Variants in TBC1D5 observed in about 807,000 individuals in gnomAD.
The protein encoded by TBC1D5 is TBC1 domain family, member 5.
In TBC1D5, 75 loss-of-function variants were observed where a neutral mutation model predicts 100.3. That is an observed-to-expected ratio of 0.75 (90% CI 0.62 to 0.91). The LOEUF is 0.91. Ranked by LOEUF, TBC1D5 falls within the 40% of genes least tolerant of loss-of-function variation. TBC1D5 has a pLI of 0.00. For missense variants in TBC1D5, 910 were observed against 942.4 expected, an observed-to-expected ratio of 0.97 and a Z score of 0.45; for synonymous variants, 323 against 325.6, an observed-to-expected ratio of 0.99 and a Z score of 0.09.
intron 15 of TBC1D5, among the ~76,000 whole-genome samples, chr3:17,270,378 G>A (rs1015337167): frequency 6.6e-6 from 1 of 151,890 alleles, no homozygotes; most frequent in African/African-American, 2.4e-5. Flanking sequence ...ATACATTTTG[G>A]ATATCAAATC....
At chr3:17,516,123 G>T (rs1422440328) in intron 2 of TBC1D5, among the ~76,000 whole-genome samples, 1 of 152,096 alleles carries the variant, frequency 6.6e-6, no homozygotes, top group Non-Finnish European at 1.5e-5. Context: ...CTCCTGAGGA[G>T]GCCTTTCCTC....
intron 1 of TBC1D5, among the ~76,000 whole-genome samples, chr3:17,661,893 CT>C (rs1409203742): frequency 6.6e-6 from 1 of 151,778 alleles, no homozygotes; most frequent in Non-Finnish European, 1.5e-5. Flanking sequence ...TCTCCCTCAA[CT>C]CCCCCTTTTT....
At position 17,705,103 on chromosome 3, in the gene TBC1D5, A is replaced by G. The variant is rs1305777345; in HGVS notation, c.-101+34240T>C. Among the ~76,000 whole-genome samples, 74 of 67,782 alleles carry G rather than the reference A, an allele frequency of 1.1e-3. 1 individual carries two copies. Among genetic ancestry groups the G allele is most frequent in the African/African-American group, 3.9e-3 (69 of 17,642 alleles). 44.5% of individuals were successfully genotyped at this position (67,782 alleles called of 152,430 possible). A position where few individuals can be genotyped will look rare whatever the true frequency, so the allele number is the denominator to read the frequency against. Reference sequence around the variant, plus strand: ...GCACGGCTGGCCAGGCGGGGGGCTGACCCCCCACCTCCCTCCCGGACGGGG... The same window carrying G: ...GCACGGCTGGCCAGGCGGGGGGCTGGCCCCCCACCTCCCTCCCGGACGGGG... On this transcript the variant is annotated intron_variant, in intron 1 of 21. Transcript: ENST00000253692.
chr3:17,303,229 T>C (rs80179776), intron 14 of TBC1D5, among the ~76,000 whole-genome samples: 2,855 of 152,318 alleles, frequency 0.019, 88 homozygotes, highest in African/African-American at 0.065. Flanking sequence ...GAGGACCACC[T>C]TGCTCTTTGA....
At chr3:17,365,670 C>T (rs562971421) in intron 13 of TBC1D5, among the ~76,000 whole-genome samples, 1 of 152,258 alleles carries the variant, frequency 6.6e-6, no homozygotes, top group African/African-American at 2.4e-5. Context: ...ATTTTCTATT[C>T]CTTCCTTTTA....
intron 19 of TBC1D5, among the ~76,000 whole-genome samples, chr3:17,172,087 T>G (rs749544242): frequency 1.2e-4 from 19 of 152,214 alleles, no homozygotes; most frequent in Non-Finnish European, 2.6e-4. Flanking sequence ...CTGCCTCCCC[T>G]GAAAACCCAT....
chr3:17,337,123 GTTTTTTTTTTTTT>G (rs11328091), intron 13 of TBC1D5, among the ~76,000 whole-genome samples: 1 of 116,152 alleles, frequency 8.6e-6, no homozygotes, highest in Admixed American at 9.0e-5. Context: ...TATCTGAGAG[GTTTTTTTTTTTTT>G]TTTTTTTTTA....
intron 13 of TBC1D5, among the ~76,000 whole-genome samples, chr3:17,322,607 T>C (rs577176576): frequency 2.1e-4 from 32 of 152,248 alleles, no homozygotes; most frequent in Admixed American, 2.0e-3. Flanking sequence ...CTTACTAAGT[T>C]TAAAAGACGC....
At chr3:17,299,741 C>A (rs563208864) in intron 14 of TBC1D5, among the ~76,000 whole-genome samples, 43 of 151,724 alleles carry the variant, frequency 2.8e-4, no homozygotes, top group Admixed American at 5.3e-4. Flanking sequence ...CGCCTGTAGT[C>A]CCAGCTATTC....
chr3:17,708,052 T>C (rs921735882), intron 1 of TBC1D5, among the ~76,000 whole-genome samples: 1 of 152,224 alleles, frequency 6.6e-6, no homozygotes, highest in Non-Finnish European at 1.5e-5. Flanking sequence ...AGAGATAAAG[T>C]TGACGCCCAC....
chr3:17,299,858 C>CAAAA (rs10590475), intron 14 of TBC1D5, among the ~76,000 whole-genome samples: 4 of 48,584 alleles, frequency 8.2e-5, no homozygotes, highest in Non-Finnish European at 1.4e-4. Context: ...GACTCCGTCT[C>CAAAA]AAAAAAAAAA....
intron 1 of TBC1D5, among the ~76,000 whole-genome samples, chr3:17,624,541 C>T (rs189130934): frequency 6.6e-5 from 10 of 152,162 alleles, no homozygotes; most frequent in African/African-American, 1.9e-4. Context: ...CACCTAATAA[C>T]TGTGATCTTA....
At chr3:17,410,016 G>A (rs1341391100) in intron 4 of TBC1D5, among the ~76,000 whole-genome samples, 17 of 152,270 alleles carry the variant, frequency 1.1e-4, no homozygotes, top group Middle Eastern at 6.8e-3. Context: ...ATTGAAGGAG[G>A]ATGCCATCTA....
chr3:17,216,580 C>A (rs1209723631), intron 17 of TBC1D5, among the ~76,000 whole-genome samples: 2 of 152,058 alleles, frequency 1.3e-5, no homozygotes, highest in Non-Finnish European at 2.9e-5. Context: ...AGAGAACAGG[C>A]CCCAAGGCCT....
chr3:17,495,338 A>G (rs1238505813), intron 3 of TBC1D5, among the ~76,000 whole-genome samples: 1 of 152,274 alleles, frequency 6.6e-6, no homozygotes, highest in East Asian at 1.9e-4. Flanking sequence ...CTAAAAAGGA[A>G]AAAAGATGAA....
At chr3:17,245,987 T>G (rs1284798901) in intron 16 of TBC1D5, among the ~76,000 whole-genome samples, 2 of 152,122 alleles carry the variant, frequency 1.3e-5, no homozygotes, top group Non-Finnish European at 2.9e-5. Context: ...ATGTTCACAC[T>G]TTGGGAAGTT....
At chr3:17,637,188 ATTTT>A (rs1186523023) in intron 1 of TBC1D5, among the ~76,000 whole-genome samples, 6 of 95,472 alleles carry the variant, frequency 6.3e-5, no homozygotes, top group African/African-American at 2.4e-4. Flanking sequence ...TGCCCGACTA[ATTTT>A]TTTTTTTTTT....
intron 4 of TBC1D5, among the ~76,000 whole-genome samples, chr3:17,409,823 G>GT (rs2093874331): frequency 6.6e-6 from 1 of 152,150 alleles, no homozygotes; most frequent in African/African-American, 2.4e-5. Flanking sequence ...AAGTTGGAAG[G>GT]TAGCAGAGGT....
chr3:17,658,554 C>G (rs2066331303), intron 1 of TBC1D5, among the ~76,000 whole-genome samples: 1 of 152,106 alleles, frequency 6.6e-6, no homozygotes, highest in Non-Finnish European at 1.5e-5. Context: ...CAGAAGACTC[C>G]CAGCCAAGGA....
Sources: allele counts gnomAD v4.1 joint callset (sites outside exome capture counted in the v4.1 genomes callset), GRCh38; gene constraint gnomAD v4.1.1; transcripts MANE v1.5; gene names NCBI Gene and HGNC (gene_info 2026-07-23, HGNC 2026-07-21).